TNS3: variants seen among roughly 807,000 people sequenced by gnomAD.
The protein encoded by TNS3 is tensin-3.
TNS3 carries 45 observed loss-of-function variants against 140.9 expected under a neutral mutation model. That is an observed-to-expected ratio of 0.32 (90% CI 0.25 to 0.41). The LOEUF (loss-of-function observed/expected upper bound fraction) is 0.41, where lower values mean the gene tolerates loss of function less well. TNS3 is among the 10% of genes least tolerant of loss of function. The probability of loss-of-function intolerance (pLI) is 1.00; values close to 1 mark genes in which losing one functional copy is unlikely to be tolerated. For missense variants in TNS3, 1,716 were observed against 1,906.7 expected (o/e 0.90, Z 1.86); for synonymous variants, 815 against 788.4 (o/e 1.03, Z -0.56).
At chr7:47,327,383 G>C (rs1276353854) in intron 20 of TNS3, among the ~76,000 whole-genome samples, 1 of 152,156 alleles carries the variant, frequency 6.6e-6, no homozygotes, top group East Asian at 1.9e-4. Flanking sequence ...TGATCCTAAC[G>C]CTTGCTTTCG....
rs992517813 is a variant in TNS3, at chr7:47,303,048, C to T, written c.3359G>A (p.Gly1120Asp). 3.1e-6 allele frequency: 5 copies of T among 1,614,082 alleles called. No individual in the cohort carries two copies. The highest frequency in any genetic ancestry group is 3.4e-6 in the Non-Finnish European group (4 of 1,180,046). Residue 1120 changes from glycine to aspartate, a missense_variant, in exon 22 of 31, where the codon GGC (glycine) becomes GAC (aspartate). Physicochemically the swap from Gly to Asp is moderately conservative, Grantham distance 94. This residue lies in a region of TNS3 where 1,163 missense variants were observed against 1,182.1 expected (regional missense o/e 0.98). Transcript: ENST00000311160. ...GCTCCCGCTGTGCGGGCTGGAGAAG[C>T]CACTGGAGGAGGGAGAGACTGAGCC... Reference protein sequence around the residue: ...SLGSVSPSSSGFSSPHSGSTI... With the variant: ...SLGSVSPSSSDFSSPHSGSTI...
In TNS3 at chr7:47,369,582, G is replaced by A. The variant is rs769185867; in HGVS notation, c.1064C>T (p.Ala355Val). The A allele has an allele frequency of 2.3e-5, 37 of 1,604,116 alleles. No homozygotes were observed. Among genetic ancestry groups the A allele is most frequent in the East Asian group, 1.1e-4 (5 of 44,730 alleles). ...CGAGGAGCTTTTCTTCCTCACCTTC[G>A]CGTAAAGGCTGCCATCGACAGGGCC... is the stretch of plus-strand genomic sequence containing the variant. ...TQGPVDGSLY[A>V]KVRKKSSSDP... The change falls in exon 17 of 31, where the codon GCG becomes GTG. Residue 355 changes from alanine to valine, a missense_variant. This residue lies in a region of TNS3 where 1,163 missense variants were observed against 1,182.1 expected (regional missense o/e 0.98). Transcript: ENST00000311160.
At chr7:47,418,546 T>C (rs1794205582) in intron 10 of TNS3, among the ~76,000 whole-genome samples, 1 of 152,222 alleles carries the variant, frequency 6.6e-6, no homozygotes. Flanking sequence ...CTGGAAAGAT[T>C]AGAAACCAGA....
At chr7:47,434,135 G>A (rs1795059986) in intron 8 of TNS3, among the ~76,000 whole-genome samples, 1 of 152,118 alleles carries the variant, frequency 6.6e-6, no homozygotes, top group African/African-American at 2.4e-5. Flanking sequence ...TGCACATCAA[G>A]TGGTCATCAT....
intron 17 of TNS3, among the ~76,000 whole-genome samples, chr7:47,358,001 T>C (rs1790094093): frequency 6.6e-6 from 1 of 152,184 alleles, no homozygotes; most frequent in Non-Finnish European, 1.5e-5. Flanking sequence ...GACCCCCGCC[T>C]GCCTCACACA....
intron 1 of TNS3, among the ~76,000 whole-genome samples, chr7:47,550,779 A>AT (rs1800039885): frequency 6.6e-6 from 1 of 152,238 alleles, no homozygotes; most frequent in African/African-American, 2.4e-5. Flanking sequence ...ACTAACATAG[A>AT]ATGGGATTCG....
chr7:47,399,847 CT>C (rs1793055348), intron 15 of TNS3, among the ~76,000 whole-genome samples: 1 of 152,158 alleles, frequency 6.6e-6, no homozygotes, highest in Admixed American at 6.5e-5. Context: ...AACTAAAAAT[CT>C]TCTGTACCAC....
chr7:47,500,910 T>C (rs2941535), intron 3 of TNS3, among the ~76,000 whole-genome samples: 122,410 of 151,758 alleles, frequency 0.81, 49,480 homozygotes, highest in Non-Finnish European at 0.82. Flanking sequence ...TGAAACCCCG[T>C]CTCTACTAAA....
At chr7:47,410,614 G>A (rs1489633579) in intron 13 of TNS3, among the ~76,000 whole-genome samples, 1 of 152,204 alleles carries the variant, frequency 6.6e-6, no homozygotes, top group African/African-American at 2.4e-5. Context: ...GGACCAGCAA[G>A]GTAGGGAGTT....
At chr7:47,501,453 C>T (rs546494103) in intron 3 of TNS3, among the ~76,000 whole-genome samples, 5 of 152,272 alleles carry the variant, frequency 3.3e-5, no homozygotes, top group African/African-American at 1.2e-4. Flanking sequence ...CTGCAGCCTC[C>T]GTGGCCTGTG....
At chr7:47,513,172 T>A (rs545116277) in intron 2 of TNS3, among the ~76,000 whole-genome samples, 69 of 152,304 alleles carry the variant, frequency 4.5e-4, no homozygotes, top group African/African-American at 1.2e-3. Flanking sequence ...CAAAATGTTA[T>A]TTATTTTTTT....
Position 47,369,364 on chromosome 7 carries a change from G to A in TNS3, c.1282C>T (p.Leu428=). ...SAQEKAELDQ[L]LSGFGLEDPG... ...TCTTCCAGGCCAAAGCCACTGAGCA[G>A]CTGGTCCAACTCTGCCTTCTCCTGG... is the stretch of plus-strand genomic sequence containing the variant. Residue 428 remains leucine, a synonymous_variant, in exon 17 of 31, where the codon CTG becomes TTG. Coordinates refer to ENST00000311160, the MANE Select transcript of TNS3 (RefSeq NM_022748.12). 6.2e-7 allele frequency: 1 copy of A among 1,614,164 alleles called. No individual in the cohort carries two copies. The highest frequency in any genetic ancestry group is 2.2e-5 in the East Asian group (1 of 44,878).
chr7:47,418,376 G>A (rs1229497534), intron 10 of TNS3, among the ~76,000 whole-genome samples: 1 of 152,156 alleles, frequency 6.6e-6, no homozygotes, highest in African/African-American at 2.4e-5. Flanking sequence ...AGCTGACTAT[G>A]GAAAGGATCA....
chr7:47,365,932 T>C (rs1442053474), intron 17 of TNS3, among the ~76,000 whole-genome samples: 2 of 152,134 alleles, frequency 1.3e-5, no homozygotes, highest in Non-Finnish European at 2.9e-5. Context: ...GAAGACATAT[T>C]AACCTCAAGA....
At chr7:47,352,013 TACAC>T (rs1191011025) in intron 17 of TNS3, among the ~76,000 whole-genome samples, 2 of 152,044 alleles carry the variant, frequency 1.3e-5, no homozygotes, top group Non-Finnish European at 2.9e-5. Flanking sequence ...CGTGGTCTCT[TACAC>T]ACATTTTCTC....
chr7:47,360,206 G>C (rs1790234447), intron 17 of TNS3, among the ~76,000 whole-genome samples: 1 of 152,298 alleles, frequency 6.6e-6, no homozygotes, highest in African/African-American at 2.4e-5. Flanking sequence ...GCAGTGGGCT[G>C]ACTCGGTTAT....
chr7:47,440,194 G>A (rs1397015455), intron 5 of TNS3, among the ~76,000 whole-genome samples: 1 of 152,176 alleles, frequency 6.6e-6, no homozygotes, highest in Non-Finnish European at 1.5e-5. Flanking sequence ...GGCCAAGGAT[G>A]AGGCTGGTGA....
chr7:47,434,730 T>C (rs834592), intron 8 of TNS3, among the ~76,000 whole-genome samples: 61,359 of 152,058 alleles, frequency 0.4, 12,548 homozygotes, highest in Non-Finnish European at 0.42. Context: ...CCTGGGCTGC[T>C]GGCATCCACC....
chr7:47,471,441 G>A (rs1352146636), intron 4 of TNS3, among the ~76,000 whole-genome samples: 2 of 147,114 alleles, frequency 1.4e-5, no homozygotes, highest in African/African-American at 2.7e-5. Context: ...CATTCAGGAT[G>A]GAATGGAAGG....
Sources: allele counts gnomAD v4.1 joint callset (sites outside exome capture counted in the v4.1 genomes callset), GRCh38; gene constraint gnomAD v4.1.1; regional missense constraint gnomAD v4.1.1; transcripts MANE v1.5; gene names NCBI Gene and HGNC (gene_info 2026-07-23, HGNC 2026-07-21).